Variants in SYT1 observed in about 807,000 individuals in gnomAD.
The protein encoded by SYT1 is synaptotagmin 1.
Under a neutral mutation model 44.8 loss-of-function variants are expected in SYT1, and 8 were observed. That is an observed-to-expected ratio of 0.18 (90% CI 0.10 to 0.32). The LOEUF (loss-of-function observed/expected upper bound fraction) is 0.32, where lower values mean the gene tolerates loss of function less well. Among genes scored for constraint, SYT1 ranks in the 10% least tolerant of loss-of-function variants. SYT1 has a pLI of 1.00. For missense variants in SYT1, 286 were observed against 509.3 expected, an observed-to-expected ratio of 0.56 and a Z score of 4.22; for synonymous variants, 154 against 188.8, an observed-to-expected ratio of 0.82 and a Z score of 1.51.
chr12:78,999,164 T>C (rs1264732855), intron 2 of SYT1, among the ~76,000 whole-genome samples: 1 of 152,172 alleles, frequency 6.6e-6, no homozygotes, highest in Non-Finnish European at 1.5e-5. Flanking sequence ...TGGAAATTCA[T>C]ATCTCGTGTT....
At chr12:79,226,501 T>C (rs753804280) in intron 4 of SYT1, among the ~76,000 whole-genome samples, 3 of 152,150 alleles carry the variant, frequency 2.0e-5, no homozygotes, top group Non-Finnish European at 2.9e-5. Context: ...CCATGGAGAT[T>C]TGCCTTTGAC....
chr12:79,218,146 T>A (rs1266128287), intron 4 of SYT1, among the ~76,000 whole-genome samples: 2 of 152,160 alleles, frequency 1.3e-5, no homozygotes, highest in African/African-American at 4.8e-5. Flanking sequence ...TTTTTAAAGT[T>A]TCCTTATTGT....
intron 8 of SYT1, among the ~76,000 whole-genome samples, chr12:79,313,358 G>A (rs536253252): frequency 3.3e-5 from 5 of 152,094 alleles, no homozygotes; most frequent in Non-Finnish European, 7.4e-5. Flanking sequence ...TTTTTCTGAG[G>A]CAGACCAAAG....
At chr12:79,243,051 G>C (rs1876605936) in intron 4 of SYT1, among the ~76,000 whole-genome samples, 1 of 152,174 alleles carries the variant, frequency 6.6e-6, no homozygotes, top group Non-Finnish European at 1.5e-5. Context: ...AGCATGTGCA[G>C]GGGAACTGCC....
intron 3 of SYT1, among the ~76,000 whole-genome samples, chr12:79,126,200 G>A (rs1199938127): frequency 1.3e-5 from 2 of 152,188 alleles, no homozygotes; most frequent in African/African-American, 4.8e-5. Flanking sequence ...CTGATATCTT[G>A]AGTATGTAAC....
intron 4 of SYT1, among the ~76,000 whole-genome samples, 172 bp from the exon 5 acceptor site, chr12:79,285,615 A>C (rs1226222322): frequency 1.3e-5 from 2 of 152,250 alleles, no homozygotes; most frequent in Non-Finnish European, 2.9e-5. Flanking sequence ...AGGAAACAAT[A>C]CACTCAAGGG....
rs563110780 is a variant in SYT1 at position 79,217,764 on chromosome 12, C to T, written c.166+79C>T. 8.1e-4 allele frequency: 926 copies of T among 1,146,260 alleles called. 4 individuals carry two copies. Among genetic ancestry groups the T allele is most frequent in the South Asian group, 1.9e-3 (102 of 53,514 alleles). The allele number at this position is 1,146,260 out of a possible 1,614,324, so 71.0% of individuals were successfully genotyped here. On this transcript the variant is annotated intron_variant, in intron 4 of 10. Coordinates refer to ENST00000261205, the MANE Select transcript of SYT1 (RefSeq NM_005639.3). Reference sequence around the variant, plus strand: ...ATCCATTGGAAAGAAAGTAGAACTCCGTTTGATATACTATAAATTTACATT... The same window carrying T: ...ATCCATTGGAAAGAAAGTAGAACTCTGTTTGATATACTATAAATTTACATT...
chr12:79,051,753 G>A (rs1874510483), intron 3 of SYT1, among the ~76,000 whole-genome samples: 1 of 151,964 alleles, frequency 6.6e-6, no homozygotes, highest in African/African-American at 2.4e-5. Context: ...GATCTCTATA[G>A]TGATATTTAA....
chr12:79,217,258 T>C (rs1314670349), intron 3 of SYT1, among the ~76,000 whole-genome samples: 1 of 152,226 alleles, frequency 6.6e-6, no homozygotes, highest in Non-Finnish European at 1.5e-5. Flanking sequence ...ACAGTATACA[T>C]AGTATTGCTG....
chr12:78,957,941 A>G (rs1879295277), intron 1 of SYT1, among the ~76,000 whole-genome samples: 2 of 152,166 alleles, frequency 1.3e-5, no homozygotes, highest in African/African-American at 2.4e-5. Flanking sequence ...GCCTTCAGAT[A>G]ATTTTCAAAC....
intron 2 of SYT1, among the ~76,000 whole-genome samples, chr12:79,041,427 T>C (rs1185814547): frequency 6.8e-4 from 103 of 151,604 alleles, no homozygotes; most frequent in African/African-American, 2.2e-3. Context: ...TCTCTGTTTG[T>C]CTGTTGTTGG....
chr12:79,077,871 A>G (rs1004619885), intron 3 of SYT1, among the ~76,000 whole-genome samples: 2 of 152,154 alleles, frequency 1.3e-5, no homozygotes, highest in Middle Eastern at 3.4e-3. Flanking sequence ...AAAAAATTGT[A>G]TGCTTTTTTT....
At chr12:79,042,430 T>TC (rs1457888403) in intron 2 of SYT1, among the ~76,000 whole-genome samples, 3 of 148,334 alleles carry the variant, frequency 2.0e-5, no homozygotes, top group African/African-American at 7.4e-5. Context: ...TTTGTAGTAT[T>TC]CTCTGATGGT....
chr12:79,358,882 C>G (rs919051699), intron 9 of SYT1, among the ~76,000 whole-genome samples: 1 of 152,136 alleles, frequency 6.6e-6, no homozygotes, highest in Non-Finnish European at 1.5e-5. Context: ...ACTGTAAACC[C>G]TTAAGGATAC....
chr12:79,178,391 G>T (rs1321820245), intron 3 of SYT1, among the ~76,000 whole-genome samples: 1 of 151,904 alleles, frequency 6.6e-6, no homozygotes, highest in Non-Finnish European at 1.5e-5. Flanking sequence ...AAATTTAGCT[G>T]ATGAGAGCCA....
chr12:79,446,034 T>TACATATATATATATATGTATATA (rs1491131045), intron 10 of SYT1, among the ~76,000 whole-genome samples: 10 of 115,558 alleles, frequency 8.7e-5, no homozygotes, highest in South Asian at 2.7e-4. Flanking sequence ...TATATATATA[T>TACATATATATATATATGTATATA]TATGCCTAGG....
intron 2 of SYT1, among the ~76,000 whole-genome samples, chr12:79,010,772 C>G (rs979382930): frequency 1.3e-5 from 2 of 152,106 alleles, no homozygotes; most frequent in African/African-American, 4.8e-5. Flanking sequence ...AGAGGTCATC[C>G]TAATCATTTC....
At chr12:79,406,399 C>G (rs148795875) in intron 9 of SYT1, among the ~76,000 whole-genome samples, 1 of 152,224 alleles carries the variant, frequency 6.6e-6, no homozygotes, top group African/African-American at 2.4e-5. Flanking sequence ...TCTGAAACTT[C>G]CAAAGATTCT....
At chr12:79,274,719 TC>T (rs1592920931) in intron 4 of SYT1, among the ~76,000 whole-genome samples, 2 of 152,062 alleles carry the variant, frequency 1.3e-5, no homozygotes, top group African/African-American at 4.8e-5. Flanking sequence ...CATGCATAAA[TC>T]CCACAGCCAC....
Sources: gnomAD v4.1 joint callset for allele counts (sites outside exome capture counted in the v4.1 genomes callset) on GRCh38, gnomAD v4.1.1 for gene constraint, MANE v1.5 for transcripts, NCBI Gene and HGNC (gene_info 2026-07-23, HGNC 2026-07-21) for gene names.